DRC11: variants seen among roughly 807,000 people sequenced by gnomAD.
DRC11 encodes IQ and AAA domain-containing protein 1.
chr2:236,502,958 A>AAAAAG, the DRC11 span, among the ~76,000 whole-genome samples: 3 of 152,192 alleles, frequency 2.0e-5, no homozygotes, highest in African/African-American at 7.2e-5. Context: ...CCATCTCAAA[A>AAAAAG]AAAAGAAAAG....
chr2:236,373,549 C>T, the DRC11 span, among the ~76,000 whole-genome samples: 1 of 152,328 alleles, frequency 6.6e-6, no homozygotes, highest in Non-Finnish European at 1.5e-5. Flanking sequence ...CCGCGCTTGA[C>T]CTCTTACTGT....
the DRC11 span, among the ~76,000 whole-genome samples, chr2:236,315,445 C>A: frequency 6.6e-6 from 1 of 152,176 alleles, no homozygotes; most frequent in African/African-American, 2.4e-5. This position sits in a 1 kb window ranked among gnomAD's most constrained non-coding sequence, Gnocchi z 5.1. Flanking sequence ...GACACTGTGG[C>A]AATTCCTCAA....
chr2:236,440,191 T>C, the DRC11 span, among the ~76,000 whole-genome samples: 965 of 152,316 alleles, frequency 6.3e-3, 7 homozygotes, highest in Non-Finnish European at 0.01. Context: ...TCAAATAAAA[T>C]GCTGTATGTT....
At chr2:236,392,443 G>A in the DRC11 span, 5 of 635,924 alleles carry the variant, frequency 7.9e-6, no homozygotes, top group Non-Finnish European at 7.9e-6. The surrounding 1 kb of genome is among the most constrained non-coding windows in gnomAD (Gnocchi z 5.1). Flanking sequence ...TTAATTGTAA[G>A]TTATTGCAAT....
the DRC11 span, among the ~76,000 whole-genome samples, chr2:236,335,347 G>A: frequency 2.0e-5 from 3 of 152,332 alleles, no homozygotes; most frequent in Admixed American, 6.5e-5. The surrounding 1 kb of genome is among the most constrained non-coding windows in gnomAD (Gnocchi z 5.6). Context: ...GATGAGGGGC[G>A]ATGACGTCGG....
the DRC11 span, among the ~76,000 whole-genome samples, chr2:236,447,584 T>C: frequency 6.6e-6 from 1 of 152,354 alleles, no homozygotes; most frequent in African/African-American, 2.4e-5. The surrounding 1 kb of genome is among the most constrained non-coding windows in gnomAD (Gnocchi z 4.6). Flanking sequence ...TGTTGACTAA[T>C]GGTTCGGAAA....
the DRC11 span, among the ~76,000 whole-genome samples, chr2:236,489,538 C>G: frequency 6.6e-6 from 1 of 152,280 alleles, no homozygotes; most frequent in South Asian, 2.1e-4. Flanking sequence ...CCAGAGGCCC[C>G]AGAGCAAGGG....
chr2:236,358,156 C>A, the DRC11 span, among the ~76,000 whole-genome samples: 2 of 120,940 alleles, frequency 1.7e-5, no homozygotes, highest in African/African-American at 3.4e-5. Flanking sequence ...TAGATATATA[C>A]TATATGAATA....
chr2:236,344,022 AT>A, the DRC11 span, among the ~76,000 whole-genome samples: 1 of 150,248 alleles, frequency 6.7e-6, no homozygotes, highest in Non-Finnish European at 1.5e-5. Flanking sequence ...GTATCTGCAC[AT>A]TTTTTTTAAC....
chr2:236,459,665 G>A, the DRC11 span, among the ~76,000 whole-genome samples: 4 of 139,024 alleles, frequency 2.9e-5, no homozygotes, highest in Admixed American at 7.2e-5. Context: ...ATATACATAC[G>A]TATATACGTA....
At chr2:236,358,135 T>TATG in the DRC11 span, among the ~76,000 whole-genome samples, 2 of 116,452 alleles carry the variant, frequency 1.7e-5, no homozygotes, top group Non-Finnish European at 3.3e-5. Flanking sequence ...TATATATTTA[T>TATG]AATATATAAA....
the DRC11 span, among the ~76,000 whole-genome samples, chr2:236,338,836 G>A: frequency 1.6e-4 from 25 of 152,326 alleles, no homozygotes; most frequent in East Asian, 4.8e-3. Context: ...ACATAAGGCT[G>A]TGAAACTTAT....
the DRC11 span, among the ~76,000 whole-genome samples, chr2:236,470,307 C>A: frequency 6.6e-6 from 1 of 152,164 alleles, no homozygotes; most frequent in South Asian, 2.1e-4. The surrounding 1 kb of genome is among the most constrained non-coding windows in gnomAD (Gnocchi z 5.1). Context: ...GTGTGCTCTT[C>A]GTGGCGCTTT....
chr2:236,346,060 C>A, the DRC11 span, among the ~76,000 whole-genome samples: 1 of 152,192 alleles, frequency 6.6e-6, no homozygotes, highest in Non-Finnish European at 1.5e-5. Flanking sequence ...CATTCCCAGG[C>A]CCCAACACAC....
chr2:236,476,540 C>T, the DRC11 span, among the ~76,000 whole-genome samples: 1 of 152,070 alleles, frequency 6.6e-6, no homozygotes, highest in Admixed American at 6.6e-5. This position sits in a 1 kb window ranked among gnomAD's most constrained non-coding sequence, Gnocchi z 4.7. Flanking sequence ...CTTTCCAATT[C>T]TGATGTCTTT....
the DRC11 span, chr2:236,408,492 C>T: frequency 2.7e-6 from 2 of 737,796 alleles, no homozygotes; most frequent in Non-Finnish European, 5.1e-6. This position sits in a 1 kb window ranked among gnomAD's most constrained non-coding sequence, Gnocchi z 5.5. Flanking sequence ...GGCCCCAGTC[C>T]AGCTTCTTGG....
the DRC11 span, chr2:236,399,562 G>GT: frequency 8.1e-7 from 1 of 1,232,238 alleles, no homozygotes; most frequent in East Asian, 2.3e-5. This position sits in a 1 kb window ranked among gnomAD's most constrained non-coding sequence, Gnocchi z 7.0. Context: ...TGTGATAACC[G>GT]TGACGAGGGT....
At chr2:236,370,425 A>G in the DRC11 span, among the ~76,000 whole-genome samples, 70 of 152,290 alleles carry the variant, frequency 4.6e-4, no homozygotes, top group African/African-American at 1.6e-3. This position sits in a 1 kb window ranked among gnomAD's most constrained non-coding sequence, Gnocchi z 5.5. Context: ...CAGAAAGACG[A>G]GAGGAAGGAG....
chr2:236,363,733 A>G, the DRC11 span: 5 of 1,399,188 alleles, frequency 3.6e-6, no homozygotes, highest in African/African-American at 5.7e-5. The surrounding 1 kb of genome is among the most constrained non-coding windows in gnomAD (Gnocchi z 5.6). Flanking sequence ...TGAAAATGTA[A>G]TTTGAAAGAG....
Sources: allele counts gnomAD v4.1 joint callset (sites outside exome capture counted in the v4.1 genomes callset), GRCh38; gene constraint gnomAD v4.1.1; non-coding constraint Gnocchi (gnomAD v3.1); transcripts MANE v1.5; gene names NCBI Gene and HGNC (gene_info 2026-07-23, HGNC 2026-07-21).